Variants in EPHA6 observed in about 807,000 individuals in gnomAD.
EPHA6 encodes the protein ephrin type-A receptor 6.
In EPHA6, 50 loss-of-function variants were observed where a neutral mutation model predicts 112.0. That is an observed-to-expected ratio of 0.45 (90% CI 0.36 to 0.56). The LOEUF is 0.56. Ranked by LOEUF, EPHA6 falls within the 20% of genes least tolerant of loss-of-function variation. EPHA6 has a pLI of 0.00. For missense variants in EPHA6, 1,280 were observed against 1,417.4 expected (o/e 0.90, Z 1.56); for synonymous variants, 529 against 490.7 (o/e 1.08, Z -1.03).
At position 97,515,265 on chromosome 3, in the gene EPHA6, G is replaced by GGT. The variant is rs1174806991; in HGVS notation, c.2201-17085_2201-17084dup. On this transcript the variant is annotated intron_variant, in intron 10 of 17. Coordinates refer to ENST00000389672, the MANE Select transcript of EPHA6 (RefSeq NM_001080448.3). ...AATTTGTTTTAGGTTTCAATTGCAG[G>GGT]GTGTGTGTGGCCAAAGGGCAAGTGA... Among the ~76,000 whole-genome samples, 20 of 152,308 alleles carry GGT rather than the reference G, an allele frequency of 1.3e-4. No homozygotes were observed. In the East Asian group the frequency reaches 3.9e-3, roughly 29 times the overall value.
chr3:97,624,138 A>G (rs1029913857), intron 13 of EPHA6, among the ~76,000 whole-genome samples: 1 of 151,784 alleles, frequency 6.6e-6, no homozygotes, highest in Admixed American at 6.6e-5. Context: ...CTTTCAATTT[A>G]TAACGGTCGA....
intron 3 of EPHA6, among the ~76,000 whole-genome samples, chr3:97,160,401 C>T (rs1468693599): frequency 2.0e-5 from 3 of 151,946 alleles, no homozygotes; most frequent in Admixed American, 6.6e-5. Context: ...CTCAGCCTCC[C>T]GAGTAGCTGG....
chr3:97,294,482 A>T (rs182654005), intron 5 of EPHA6, among the ~76,000 whole-genome samples: 1 of 152,208 alleles, frequency 6.6e-6, no homozygotes, highest in Non-Finnish European at 1.5e-5. Context: ...CAACCAGTCT[A>T]TATTTTTCAG....
chr3:97,633,314 T>A (rs2093919404), intron 13 of EPHA6, among the ~76,000 whole-genome samples: 1 of 152,032 alleles, frequency 6.6e-6, no homozygotes, highest in African/African-American at 2.4e-5. Flanking sequence ...GAAGACAAAC[T>A]GAATTCCAGC....
intron 3 of EPHA6, among the ~76,000 whole-genome samples, chr3:97,159,914 T>C (rs910817628): frequency 4.6e-5 from 7 of 152,302 alleles, no homozygotes; most frequent in Middle Eastern, 3.4e-3. Context: ...AAATTCTTCC[T>C]CTTCTATGAT....
intron 5 of EPHA6, among the ~76,000 whole-genome samples, chr3:97,296,856 C>A (rs1459172676): frequency 6.6e-6 from 1 of 152,102 alleles, no homozygotes; most frequent in Non-Finnish European, 1.5e-5. Flanking sequence ...TGCTAAATAC[C>A]CAACTGGGTC....
At chr3:97,544,168 C>A (rs2092910413) in intron 11 of EPHA6, among the ~76,000 whole-genome samples, 2 of 152,154 alleles carry the variant, frequency 1.3e-5, no homozygotes, top group African/African-American at 4.8e-5. Context: ...CTGTCTTGTG[C>A]CCATTTTCAA....
chr3:97,453,867 A>G (rs1038150018), intron 7 of EPHA6, among the ~76,000 whole-genome samples: 1 of 151,638 alleles, frequency 6.6e-6, no homozygotes, highest in Admixed American at 6.6e-5. Context: ...TTATGTCCCC[A>G]TTTGATGAAT....
At chr3:97,548,052 A>G (rs1168661422) in intron 11 of EPHA6, among the ~76,000 whole-genome samples, 2 of 152,158 alleles carry the variant, frequency 1.3e-5, no homozygotes, top group East Asian at 3.9e-4. Context: ...TGGCTCATGC[A>G]CGGTGCGCTG....
At chr3:97,538,642 CAG>C (rs1458676134) in intron 11 of EPHA6, among the ~76,000 whole-genome samples, 1 of 152,086 alleles carries the variant, frequency 6.6e-6, no homozygotes, top group Admixed American at 6.6e-5. Context: ...ATGAAAAAGA[CAG>C]AGGAGCAACC....
intron 11 of EPHA6, among the ~76,000 whole-genome samples, chr3:97,568,273 A>G (rs2093293198): frequency 6.6e-6 from 1 of 152,258 alleles, no homozygotes; most frequent in South Asian, 2.1e-4. Flanking sequence ...CCAGAATTAC[A>G]GAGAATCACA....
intron 5 of EPHA6, among the ~76,000 whole-genome samples, chr3:97,306,468 C>T (rs2081325424): frequency 6.6e-6 from 1 of 151,738 alleles, no homozygotes; most frequent in Non-Finnish European, 1.5e-5. Context: ...ATAGCATCCC[C>T]AGCTTCCTAA....
intron 3 of EPHA6, among the ~76,000 whole-genome samples, chr3:97,130,113 A>G (rs1251206341): frequency 6.6e-6 from 1 of 152,300 alleles, no homozygotes; most frequent in East Asian, 1.9e-4. Context: ...TTTTGTTGAT[A>G]AAATTATTTC....
intron 4 of EPHA6, among the ~76,000 whole-genome samples, chr3:97,230,631 C>T (rs907909513): frequency 6.6e-6 from 1 of 152,006 alleles, no homozygotes; most frequent in Non-Finnish European, 1.5e-5. Flanking sequence ...AGACAGACTC[C>T]AGTAACAAAA....
chr3:97,573,646 G>A (rs1225376303), intron 11 of EPHA6, among the ~76,000 whole-genome samples: 1 of 151,792 alleles, frequency 6.6e-6, no homozygotes, highest in East Asian at 1.9e-4. Flanking sequence ...ACATTGTGCA[G>A]GTTAGTTACA....
chr3:97,658,657 T>G (rs1286219015), intron 14 of EPHA6, among the ~76,000 whole-genome samples: 1 of 151,938 alleles, frequency 6.6e-6, no homozygotes, highest in Non-Finnish European at 1.5e-5. Flanking sequence ...GAATTGCAGT[T>G]TCAAGAGTTT....
chr3:97,039,348 A>G (rs2045230124), intron 3 of EPHA6, among the ~76,000 whole-genome samples: 1 of 152,146 alleles, frequency 6.6e-6, no homozygotes, highest in Non-Finnish European at 1.5e-5. Context: ...GTGAGTTAAA[A>G]TGAAATTTGA....
At chr3:97,431,372 T>C (rs535404176) in intron 6 of EPHA6, among the ~76,000 whole-genome samples, 1 of 152,258 alleles carries the variant, frequency 6.6e-6, no homozygotes, top group South Asian at 2.1e-4. Flanking sequence ...TGTAAAATTT[T>C]AGTTAAGGCA....
chr3:97,111,855 G>A (rs1033501429), intron 3 of EPHA6, among the ~76,000 whole-genome samples: 2 of 152,102 alleles, frequency 1.3e-5, no homozygotes, highest in Non-Finnish European at 1.5e-5. Flanking sequence ...CTTCAGGAAC[G>A]TTCTCATGCT....
Sources: allele counts gnomAD v4.1 joint callset (sites outside exome capture counted in the v4.1 genomes callset), GRCh38; gene constraint gnomAD v4.1.1; transcripts MANE v1.5; gene names NCBI Gene and HGNC (gene_info 2026-07-23, HGNC 2026-07-21).